PDE3A: variants seen among roughly 807,000 people sequenced by gnomAD.
PDE3A encodes phosphodiesterase 3A.
Under a neutral mutation model 98.3 loss-of-function variants are expected in PDE3A, and 43 were observed. The observed-to-expected ratio is 0.44, with a 90% CI of 0.34 to 0.56. The LOEUF (loss-of-function observed/expected upper bound fraction) is 0.56. Among genes scored for constraint, PDE3A ranks in the 20% least tolerant of loss-of-function variants. The pLI is 0.01. For missense variants in PDE3A, 1,427 were observed against 1,440.7 expected (o/e 0.99, Z 0.15); for synonymous variants, 663 against 567.9 (o/e 1.17, Z -2.38).
At chr12:20,662,309 G>A (rs546598686) in intron 15 of PDE3A, among the ~76,000 whole-genome samples, 65 of 152,080 alleles carry the variant, frequency 4.3e-4, no homozygotes, top group African/African-American at 1.5e-3. Flanking sequence ...ACTCCAGGCT[G>A]AGGTGGTCTC....
intron 1 of PDE3A, among the ~76,000 whole-genome samples, chr12:20,434,238 C>T (rs1463240773): frequency 3.3e-5 from 5 of 151,786 alleles, no homozygotes; most frequent in Admixed American, 3.3e-4. Context: ...TGTTTTTGCT[C>T]ATGACTACTG....
chr12:20,602,934 A>G (rs1259905540), intron 2 of PDE3A, among the ~76,000 whole-genome samples: 1 of 152,230 alleles, frequency 6.6e-6, no homozygotes, highest in Non-Finnish European at 1.5e-5. Flanking sequence ...TGAGGTCAGA[A>G]CCAGTAATGC....
At chr12:20,667,853 G>A (rs1365616388) in intron 15 of PDE3A, among the ~76,000 whole-genome samples, 2 of 152,280 alleles carry the variant, frequency 1.3e-5, no homozygotes, top group South Asian at 2.1e-4. Context: ...GAGCCAAGAT[G>A]GCCGAACAGG....
Position 20,654,198 on chromosome 12 carries a change from A to G in PDE3A, c.3177A>G (p.Glu1059=), listed in dbSNP as rs748589405. The change falls in exon 15 of 16, where the codon GAA becomes GAG. Residue 1059 remains glutamate (E), a synonymous_variant. Coordinates refer to ENST00000359062, the MANE Select transcript of PDE3A (RefSeq NM_000921.5). ...AAGAGGAAACCTGTGAAAATAATGA[A>G]TCTCCAAGTAAGTTCTAAAACCTAG... ...PNEEETCENN[E]SPKKKTFKRR... is the part of the protein sequence containing the mutation. 2 of 1,613,990 alleles carry G rather than the reference A, an allele frequency of 1.2e-6. No individual in the cohort carries two copies. Among genetic ancestry groups the G allele is most frequent in the Non-Finnish European group, 1.7e-6 (2 of 1,179,946 alleles).
intron 2 of PDE3A, among the ~76,000 whole-genome samples, chr12:20,598,818 C>T (rs1487134252): frequency 6.6e-6 from 1 of 152,166 alleles, no homozygotes; most frequent in African/African-American, 2.4e-5. Flanking sequence ...AATGATTCTC[C>T]TTAATGTAAC....
chr12:20,385,673 G>A (rs1343707178), intron 1 of PDE3A, among the ~76,000 whole-genome samples: 3 of 151,218 alleles, frequency 2.0e-5, no homozygotes, highest in Non-Finnish European at 4.4e-5. Flanking sequence ...ATCATTCTCA[G>A]CAAACTATCG....
At chr12:20,485,183 T>C (rs1051088871) in intron 1 of PDE3A, among the ~76,000 whole-genome samples, 1 of 152,182 alleles carries the variant, frequency 6.6e-6, no homozygotes, top group Non-Finnish European at 1.5e-5. Flanking sequence ...GTTGGTTCTT[T>C]CTGAGGGCTG....
At chr12:20,494,175 A>G (rs534247559) in intron 1 of PDE3A, among the ~76,000 whole-genome samples, 4 of 152,366 alleles carry the variant, frequency 2.6e-5, no homozygotes, top group African/African-American at 9.6e-5. Flanking sequence ...AGGAATGTAA[A>G]TGAGTGACAT....
At chr12:20,598,269 G>T (rs983780388) in intron 2 of PDE3A, among the ~76,000 whole-genome samples, 2 of 151,518 alleles carry the variant, frequency 1.3e-5, no homozygotes, top group Non-Finnish European at 2.9e-5. Flanking sequence ...TGCAACCTCC[G>T]CCTCCTTGGT....
chr12:20,671,184 A>C (rs1336922350), intron 15 of PDE3A, among the ~76,000 whole-genome samples: 4 of 148,048 alleles, frequency 2.7e-5, no homozygotes, highest in South Asian at 2.1e-4. Context: ...CAATAACAGG[A>C]TCTGAAATTG....
intron 2 of PDE3A, among the ~76,000 whole-genome samples, chr12:20,564,688 C>T (rs1197838325): frequency 6.6e-6 from 1 of 152,046 alleles, no homozygotes; most frequent in Non-Finnish European, 1.5e-5. Flanking sequence ...GCCCTGGTCT[C>T]TTAAAAGAAC....
intron 1 of PDE3A, among the ~76,000 whole-genome samples, chr12:20,431,993 A>G (rs192185612): frequency 2.8e-4 from 42 of 152,346 alleles, no homozygotes; most frequent in Admixed American, 2.4e-3. Flanking sequence ...ATGCATGCTT[A>G]GCAGCATGGT....
At chr12:20,473,725 C>T (rs73071157) in intron 1 of PDE3A, among the ~76,000 whole-genome samples, 18,996 of 151,660 alleles carry the variant, frequency 0.13, 1,302 homozygotes, top group African/African-American at 0.15. Context: ...TTTTTGAACG[C>T]GTTAGAATCA....
At chr12:20,630,292 AT>A (rs1944351738) in intron 6 of PDE3A, among the ~76,000 whole-genome samples, 165 bp downstream of exon 6, 1 of 152,236 alleles carries the variant, frequency 6.6e-6, no homozygotes, top group Non-Finnish European at 1.5e-5. Context: ...ATAAAAACTT[AT>A]GTTTTAGTAG....
At chr12:20,558,369 G>A (rs1565588702) in intron 2 of PDE3A, among the ~76,000 whole-genome samples, 1 of 151,990 alleles carries the variant, frequency 6.6e-6, no homozygotes, top group Non-Finnish European at 1.5e-5. Context: ...ATATTTGAAA[G>A]CCTGAGGTGG....
chr12:20,665,897 C>G (rs1037196534), intron 15 of PDE3A, among the ~76,000 whole-genome samples: 1 of 149,798 alleles, frequency 6.7e-6, no homozygotes, highest in Non-Finnish European at 1.5e-5. Flanking sequence ...CTACATTCAT[C>G]AAATGTGTAA....
chr12:20,405,407 CT>C (rs1472903446), intron 1 of PDE3A, among the ~76,000 whole-genome samples: 1 of 152,100 alleles, frequency 6.6e-6, no homozygotes, highest in Non-Finnish European at 1.5e-5. Context: ...TCCTGTTCAT[CT>C]TTCATTCCCC....
chr12:20,408,086 A>G (rs1944266531), intron 1 of PDE3A, among the ~76,000 whole-genome samples: 1 of 151,924 alleles, frequency 6.6e-6, no homozygotes, highest in Admixed American at 6.5e-5. Flanking sequence ...ACGCCCAGCT[A>G]ATTTTTGTAT....
At chr12:20,609,502 A>G (rs977351922) in intron 2 of PDE3A, among the ~76,000 whole-genome samples, 3 of 152,068 alleles carry the variant, frequency 2.0e-5, no homozygotes, top group African/African-American at 7.2e-5. Context: ...AATTTAATGC[A>G]ATAACTATCA....
Sources: gnomAD v4.1 joint callset for allele counts (sites outside exome capture counted in the v4.1 genomes callset) on GRCh38, gnomAD v4.1.1 for gene constraint, MANE v1.5 for transcripts, NCBI Gene and HGNC (gene_info 2026-07-23, HGNC 2026-07-21) for gene names.